SLIT3: variants seen among roughly 807,000 people sequenced by gnomAD.
SLIT3 encodes slit guidance ligand 3, also known as slit homolog 3 protein.
Under a neutral mutation model 184.0 loss-of-function variants are expected in SLIT3, and 68 were observed. The ratio of observed to expected loss-of-function variants is 0.37; its 90% CI spans 0.30 to 0.45. The LOEUF (loss-of-function observed/expected upper bound fraction) is 0.45. SLIT3 is among the 20% of genes least tolerant of loss of function. The probability of loss-of-function intolerance (pLI) is 1.00; values close to 1 mark genes in which losing one functional copy is unlikely to be tolerated. For synonymous variants in SLIT3, 831 were observed against 828.6 expected (o/e 1.00, Z -0.05); for missense variants, 1,707 against 2,026.0 (o/e 0.84, Z 3.02).
intron 6 of SLIT3, among the ~76,000 whole-genome samples, chr5:168,830,917 T>C (rs1757860874): frequency 6.6e-6 from 1 of 152,214 alleles, no homozygotes; most frequent in Non-Finnish European, 1.5e-5. Context: ...GGACCCATCC[T>C]TTACTGGTCC....
intron 4 of SLIT3, among the ~76,000 whole-genome samples, chr5:168,923,765 C>T (rs1488547065): frequency 6.6e-6 from 1 of 152,220 alleles, no homozygotes; most frequent in Admixed American, 6.5e-5. Flanking sequence ...ATCCACCCAA[C>T]TTAGCCTCTC....
chr5:168,796,891 C>A (rs1756581318), intron 9 of SLIT3, among the ~76,000 whole-genome samples: 1 of 151,802 alleles, frequency 6.6e-6, no homozygotes, highest in Non-Finnish European at 1.5e-5. Context: ...ATAACACAGA[C>A]AAATCACTCT....
intron 4 of SLIT3, among the ~76,000 whole-genome samples, chr5:168,889,642 T>C (rs775886253): frequency 6.6e-5 from 10 of 152,234 alleles, no homozygotes; most frequent in Non-Finnish European, 1.5e-4. Context: ...TGTTTAATAC[T>C]GATGGATTAA....
At chr5:169,233,917 C>T (rs973139421) in intron 3 of SLIT3, among the ~76,000 whole-genome samples, 5 of 151,994 alleles carry the variant, frequency 3.3e-5, no homozygotes, top group African/African-American at 4.8e-5. Flanking sequence ...TTAGGAGAAA[C>T]GTTTTCAATA....
intron 4 of SLIT3, among the ~76,000 whole-genome samples, chr5:169,124,094 A>G (rs1760988658): frequency 6.6e-6 from 1 of 152,168 alleles, no homozygotes; most frequent in African/African-American, 2.4e-5. Context: ...ACTTCTTTTT[A>G]CTTCCTAGTC....
intron 4 of SLIT3, among the ~76,000 whole-genome samples, chr5:169,186,493 G>A (rs532872219): frequency 1.5e-3 from 223 of 152,306 alleles, no homozygotes; most frequent in African/African-American, 5.1e-3. Context: ...GCTATTATAG[G>A]AGCTATGATT....
Position 168,696,234 on chromosome 5 carries a change from A to T in SLIT3, c.3082+58T>A, listed in dbSNP as rs932033151. The T allele has an allele frequency of 5.0e-6, 8 of 1,599,924 alleles. No homozygotes were observed. The Admixed American group carries it at 1.3e-4, about 27-fold the overall frequency. ...GAGAGTCCCTGGAGGAAGTTAAGAA[A>T]ATGGTATTCTAGCGACACCCCTCCA... On this transcript the variant is annotated intron_variant, in intron 28 of 35. Transcript: ENST00000519560.
At position 168,844,928 on chromosome 5, in the gene SLIT3, G is replaced by A. The variant is rs1209642627; in HGVS notation, c.486-273C>T. ...TTTTTTTTTTTTTTTTAGGCAGAAG[G>A]GAGTAATTTCATTACATTAGGGCAT... On this transcript the variant is annotated intron_variant, in intron 5 of 35. Transcript: ENST00000519560. 3 of 455,188 alleles carry A rather than the reference G, an allele frequency of 6.6e-6. No individual in the cohort carries two copies. In the Admixed American group the frequency reaches 1.1e-4, roughly 16 times the overall value. 28.2% of individuals were successfully genotyped at this position (455,188 alleles called of 1,614,324 possible).
chr5:168,821,389 T>C (rs998242586), intron 7 of SLIT3, among the ~76,000 whole-genome samples: 2 of 152,216 alleles, frequency 1.3e-5, no homozygotes, highest in Admixed American at 1.3e-4. Flanking sequence ...TTTTCTTCGA[T>C]GCAACCCACA....
intron 4 of SLIT3, among the ~76,000 whole-genome samples, chr5:168,899,297 C>G (rs1760785822): frequency 6.6e-6 from 1 of 152,156 alleles, no homozygotes; most frequent in Admixed American, 6.5e-5. Flanking sequence ...AGGAGGATCA[C>G]TTGAGGTCAG....
chr5:169,073,035 G>A (rs1416909032), intron 4 of SLIT3, among the ~76,000 whole-genome samples: 4 of 152,286 alleles, frequency 2.6e-5, no homozygotes, highest in Admixed American at 2.6e-4. Context: ...ATATTTATTG[G>A]TAAGTGCTCA....
In SLIT3 at chr5:169,044,204, G is replaced by A. The variant is rs910545595; in HGVS notation, c.413+149275C>T. On this transcript the variant is annotated intron_variant, in intron 4 of 35. Coordinates refer to ENST00000519560, the MANE Select transcript of SLIT3 (RefSeq NM_003062.4). ...CATTGCTGGTATGAATATAAATGGC[G>A]TGGCCATTGTGGAAAACAGTTTGGC... Among the ~76,000 whole-genome samples, 11 of 152,146 alleles carry A rather than the reference G, an allele frequency of 7.2e-5. No homozygotes were observed. In the East Asian group the frequency reaches 9.6e-4, roughly 13 times the overall value.
At chr5:169,124,553 A>G (rs1761006025) in intron 4 of SLIT3, among the ~76,000 whole-genome samples, 1 of 152,236 alleles carries the variant, frequency 6.6e-6, no homozygotes, top group African/African-American at 2.4e-5. Context: ...AGTGCTCTAC[A>G]CAGCAACTCT....
At chr5:169,092,977 G>A (rs1581402532) in intron 4 of SLIT3, among the ~76,000 whole-genome samples, 1 of 152,216 alleles carries the variant, frequency 6.6e-6, no homozygotes, top group East Asian at 1.9e-4. Flanking sequence ...CAGAGAGCTT[G>A]CTGTGTTTTA....
rs73805262 is a variant in SLIT3, at chr5:168,858,140, C to A, written c.486-13485G>T. 7.2e-3 allele frequency among the ~76,000 whole-genome samples: 1,092 copies of A among 152,340 alleles called. 15 individuals carry two copies. Among genetic ancestry groups the A allele is most frequent in the African/African-American group, 0.025 (1,029 of 41,566 alleles). On this transcript the variant is annotated intron_variant, in intron 5 of 35. Transcript: ENST00000519560. The stretch of plus-strand genomic sequence containing the variant: ...GCTTTTAGAAAGCGAAGGCTAGACT[C>A]CCACATCTACTGGAAAAATGAGAGT...
chr5:169,036,096 T>C (rs1411257076), intron 4 of SLIT3: 2 of 152,234 alleles, frequency 1.3e-5, no homozygotes, highest in Non-Finnish European at 2.9e-5. Flanking sequence ...TTTTTTCTCA[T>C]TTGAGTTGCA....
At chr5:169,137,923 T>C (rs564617285) in intron 4 of SLIT3, among the ~76,000 whole-genome samples, 1 of 152,144 alleles carries the variant, frequency 6.6e-6, no homozygotes, top group South Asian at 2.1e-4. Context: ...TTGTCTCACC[T>C]CTCTCTCATT....
At chr5:169,262,179 G>A (rs917578219) in intron 1 of SLIT3, among the ~76,000 whole-genome samples, 3 of 152,166 alleles carry the variant, frequency 2.0e-5, no homozygotes, top group South Asian at 2.1e-4. Context: ...TTTAAGCCAC[G>A]AAGTTTGCTA....
intron 4 of SLIT3, among the ~76,000 whole-genome samples, chr5:168,935,492 C>T: frequency 6.6e-6 from 1 of 152,182 alleles, no homozygotes; most frequent in East Asian, 1.9e-4. Flanking sequence ...AGCCTCCATT[C>T]TTTGTTTCAG....
Sources: gnomAD v4.1 joint callset for allele counts (sites outside exome capture counted in the v4.1 genomes callset) on GRCh38, gnomAD v4.1.1 for gene constraint, MANE v1.5 for transcripts, NCBI Gene and HGNC (gene_info 2026-07-23, HGNC 2026-07-21) for gene names.